The following RASSF3 variants were observed in gnomAD, a reference collection of about 807,000 sequenced individuals.
RASSF3 encodes the protein ras association domain-containing protein 3.
Under a neutral mutation model 19.9 loss-of-function variants are expected in RASSF3, and 19 were observed. The observed-to-expected ratio is 0.96, with a 90% CI of 0.67 to 1.40. The LOEUF (loss-of-function observed/expected upper bound fraction) is 1.40, where lower values mean the gene tolerates loss of function less well. RASSF3 is among the 40% of genes most tolerant of loss of function. RASSF3 has a pLI of 0.00. For missense variants in RASSF3, 306 were observed against 289.8 expected, an observed-to-expected ratio of 1.06 and a Z score of -0.41; for synonymous variants, 110 against 104.2, an observed-to-expected ratio of 1.06 and a Z score of -0.34.
At chr12:64,685,876 C>T (rs755417143) in intron 2 of RASSF3, among the ~76,000 whole-genome samples, 46 of 152,328 alleles carry the variant, frequency 3.0e-4, no homozygotes, top group Non-Finnish European at 6.2e-4. Context: ...TTCTTCATGG[C>T]ACTTGTCAGC....
chr12:64,598,247 A>G (rs1870027465), intron 2 of RASSF3, among the ~76,000 whole-genome samples: 1 of 152,114 alleles, frequency 6.6e-6, no homozygotes, highest in African/African-American at 2.4e-5. Flanking sequence ...CATTCTTCTG[A>G]CTTTGGCTTA....
upstream of RASSF3, among the ~76,000 whole-genome samples, chr12:64,533,090 C>A (rs1868748557): frequency 6.6e-6 from 1 of 152,170 alleles, no homozygotes; most frequent in Admixed American, 6.5e-5. Flanking sequence ...GTGAGCAGAG[C>A]TGCTGAGCAT....
rs544942911 is a variant in RASSF3, at chr12:64,626,621, G to A, written c.111+15878G>A. Among the ~76,000 whole-genome samples the A allele has an allele frequency of 4.6e-5, 7 of 152,244 alleles. No homozygotes were observed. The South Asian group carries it at 1.5e-3, about 32-fold the overall frequency. Reference sequence around the variant, plus strand: ...CACCCAGGCTGGAGTGCAGTGGTGGGATCATGCCTCACTGTAGCTAGCCTT... The same window carrying A: ...CACCCAGGCTGGAGTGCAGTGGTGGAATCATGCCTCACTGTAGCTAGCCTT... On this transcript the variant is annotated intron_variant, in intron 1 of 4. Coordinates refer to ENST00000542104, the MANE Select transcript of RASSF3 (RefSeq NM_178169.4).
At chr12:64,561,796 G>T (rs866410095) in intron 2 of RASSF3, among the ~76,000 whole-genome samples, 4 of 139,394 alleles carry the variant, frequency 2.9e-5, no homozygotes, top group Non-Finnish European at 4.6e-5. Context: ...GGGTTCAAAT[G>T]ATTCTTGTGT....
At chr12:64,534,694 A>C (rs941627946) in intron 1 of RASSF3, among the ~76,000 whole-genome samples, 1 of 152,110 alleles carries the variant, frequency 6.6e-6, no homozygotes, top group Non-Finnish European at 1.5e-5. Flanking sequence ...AGAGAGACAG[A>C]GAGAGACAAT....
intron 1 of RASSF3, among the ~76,000 whole-genome samples, chr12:64,513,598 G>A (rs895626115): frequency 2.6e-5 from 4 of 152,150 alleles, no homozygotes; most frequent in African/African-American, 9.7e-5. Flanking sequence ...ATCCTATGCA[G>A]CTGGAGACAG....
intron 1 of RASSF3, among the ~76,000 whole-genome samples, chr12:64,650,605 C>T (rs1457060975): frequency 6.6e-6 from 1 of 151,594 alleles, no homozygotes; most frequent in Non-Finnish European, 1.5e-5. Flanking sequence ...TTAGTAGAGA[C>T]GGGGTTTCAC....
chr12:64,590,730 T>C (rs537154335), intron 2 of RASSF3, among the ~76,000 whole-genome samples: 3 of 152,296 alleles, frequency 2.0e-5, no homozygotes, highest in African/African-American at 7.2e-5. Context: ...TAGTACCTGA[T>C]AGCCAGTTGG....
chr12:64,637,423 CT>C (rs781748041), intron 1 of RASSF3, among the ~76,000 whole-genome samples: 165 of 132,486 alleles, frequency 1.2e-3, no homozygotes, highest in Middle Eastern at 7.8e-3. Context: ...TAGTTTCTTT[CT>C]TTTTTTTTTT....
intron 3 of RASSF3, among the ~76,000 whole-genome samples, 182 bp downstream of exon 3, chr12:64,688,635 G>C (rs1230635928): frequency 6.6e-6 from 1 of 152,128 alleles, no homozygotes; most frequent in Non-Finnish European, 1.5e-5. Context: ...ATATTTTTGA[G>C]TTGGACAGTT....
chr12:64,674,063 A>G (rs982368797), intron 1 of RASSF3, among the ~76,000 whole-genome samples: 6 of 152,238 alleles, frequency 3.9e-5, no homozygotes, highest in Middle Eastern at 3.4e-3. Flanking sequence ...AACTGCAATT[A>G]ATCTTATTAA....
At chr12:64,569,481 A>C (rs1232886388) in intron 2 of RASSF3, among the ~76,000 whole-genome samples, 1 of 152,176 alleles carries the variant, frequency 6.6e-6, no homozygotes, top group Non-Finnish European at 1.5e-5. Flanking sequence ...TCTCTCCCGA[A>C]CGTTGCCATG....
intron 1 of RASSF3, among the ~76,000 whole-genome samples, chr12:64,517,559 A>C (rs1388964167): frequency 6.6e-6 from 1 of 152,162 alleles, no homozygotes; most frequent in Non-Finnish European, 1.5e-5. Context: ...GGCAAGATGT[A>C]AGTATGATGC....
At position 64,610,522 on chromosome 12, in the gene RASSF3, G is replaced by A; in HGVS notation, c.-111G>A. ...TTGAGCGGCGGCCGCAGCTGCATAAGGACTGCCCGGGGCTGCGCGCCGGGA... is the reference window on the plus strand; with the variant it reads ...TTGAGCGGCGGCCGCAGCTGCATAAAGACTGCCCGGGGCTGCGCGCCGGGA... On this transcript the variant is annotated 5_prime_UTR_variant, in exon 1 of 5. Transcript: ENST00000542104. 2.6e-6 allele frequency: 1 copy of A among 383,164 alleles called. No individual in the cohort carries two copies. 23.7% of individuals were successfully genotyped at this position (383,164 alleles called of 1,614,324 possible). A position where few individuals can be genotyped will look rare whatever the true frequency, so the allele number is the denominator to read the frequency against.
intron 2 of RASSF3, among the ~76,000 whole-genome samples, chr12:64,558,829 T>G (rs929845480): frequency 6.6e-6 from 1 of 152,154 alleles, no homozygotes; most frequent in African/African-American, 2.4e-5. Context: ...GTGGGAACGT[T>G]GAAGGGATGT....
chr12:64,597,355 TTTCCTGACC>T (rs1870013660), intron 2 of RASSF3, among the ~76,000 whole-genome samples: 1 of 151,778 alleles, frequency 6.6e-6, no homozygotes, highest in African/African-American at 2.4e-5. Context: ...CTGGTCTCAA[TTTCCTGACC>T]TCGTGATCCA....
intron 2 of RASSF3, among the ~76,000 whole-genome samples, chr12:64,559,595 C>T (rs1869315775): frequency 1.3e-5 from 2 of 152,146 alleles, no homozygotes; most frequent in Non-Finnish European, 2.9e-5. Context: ...TCCTTAGCTT[C>T]TTTATTCTTT....
At chr12:64,597,878 A>G (rs1870021386) in intron 2 of RASSF3, among the ~76,000 whole-genome samples, 1 of 151,858 alleles carries the variant, frequency 6.6e-6, no homozygotes, top group South Asian at 2.1e-4. Context: ...TTAAGAATCA[A>G]ACTAAATCCC....
chr12:64,507,162 T>C, exon 1 of RASSF3: 1 of 398,654 alleles, frequency 2.5e-6, no homozygotes. Context: ...TCCTCATCCA[T>C]GCTCTCTGTA....
Sources: gnomAD v4.1 joint callset for allele counts (sites outside exome capture counted in the v4.1 genomes callset) on GRCh38, gnomAD v4.1.1 for gene constraint, MANE v1.5 for transcripts, NCBI Gene and HGNC (gene_info 2026-07-23, HGNC 2026-07-21) for gene names.